Variants in IL1RAPL1 observed in about 807,000 individuals in gnomAD.
The protein encoded by IL1RAPL1 is interleukin-1 receptor accessory protein-like 1.
IL1RAPL1 carries 3 observed loss-of-function variants against 48.4 expected under a neutral mutation model. The observed-to-expected ratio is 0.06, with a 90% CI of 0.03 to 0.16. The LOEUF (loss-of-function observed/expected upper bound fraction) is 0.16, where lower values mean the gene tolerates loss of function less well. Ranked by LOEUF, IL1RAPL1 falls within the 10% of genes least tolerant of loss-of-function variation. IL1RAPL1 has a pLI of 1.00. For missense variants in IL1RAPL1, 349 were observed against 530.6 expected, an observed-to-expected ratio of 0.66 and a Z score of 3.36; for synonymous variants, 185 against 187.7, an observed-to-expected ratio of 0.99 and a Z score of 0.12.
At chrX:28,617,410 C>A (rs972955452) in intron 1 of IL1RAPL1, among the ~76,000 whole-genome samples, 29 of 111,736 alleles carry the variant, frequency 2.6e-4, no homozygotes, top group African/African-American at 9.1e-4. Flanking sequence ...TATTTTTATT[C>A]TTGAAATATT....
chrX:28,861,381 T>C (rs1921939979), intron 2 of IL1RAPL1, among the ~76,000 whole-genome samples: 1 of 111,958 alleles, frequency 8.9e-6, no homozygotes, highest in African/African-American at 3.3e-5. Context: ...GTTTGACACA[T>C]AGCTAAAATT....
At chrX:28,639,342 A>G (rs1934506808) in intron 1 of IL1RAPL1, among the ~76,000 whole-genome samples, 1 of 111,961 alleles carries the variant, frequency 8.9e-6, no homozygotes, top group African/African-American at 3.2e-5. Context: ...TTTGAATTTA[A>G]CTGGAAACAA....
chrX:28,778,238 G>T (rs1391581594), intron 1 of IL1RAPL1, among the ~76,000 whole-genome samples: 1 of 112,123 alleles, frequency 8.9e-6, no homozygotes, highest in South Asian at 3.7e-4. Flanking sequence ...TTGGCATAAA[G>T]CCACCTTTTT....
chrX:29,135,854 C>G (rs1021901734), intron 2 of IL1RAPL1, among the ~76,000 whole-genome samples: 29 of 111,528 alleles, frequency 2.6e-4, no homozygotes, highest in African/African-American at 9.1e-4. Flanking sequence ...CCTGCCTCAG[C>G]CTCCCAAGTA....
intron 2 of IL1RAPL1, among the ~76,000 whole-genome samples, chrX:29,188,874 C>T (rs1228774178): frequency 1.8e-5 from 2 of 111,428 alleles, no homozygotes; most frequent in Non-Finnish European, 3.8e-5. Flanking sequence ...TGAGCCACCA[C>T]GCCCGCCCAC....
intron 2 of IL1RAPL1, among the ~76,000 whole-genome samples, chrX:28,795,198 T>C (rs1936596152): frequency 9.0e-6 from 1 of 111,700 alleles, no homozygotes. Context: ...AATTCTCCTA[T>C]TTATTGTAAT....
intron 2 of IL1RAPL1, among the ~76,000 whole-genome samples, chrX:28,865,208 C>T (rs1416700577): frequency 1.8e-5 from 2 of 111,147 alleles, no homozygotes; most frequent in Non-Finnish European, 3.8e-5. Flanking sequence ...GAGGTCAAGG[C>T]GGGCAGATCA....
At chrX:28,708,326 G>A (rs754228773) in intron 1 of IL1RAPL1, among the ~76,000 whole-genome samples, 1 of 108,664 alleles carries the variant, frequency 9.2e-6, no homozygotes, top group Admixed American at 9.6e-5. Flanking sequence ...GATGTCCTTA[G>A]GGCAATGCCT....
At chrX:29,809,596 C>T (rs1569176376) in intron 6 of IL1RAPL1, among the ~76,000 whole-genome samples, 1 of 110,412 alleles carries the variant, frequency 9.1e-6, no homozygotes, top group Non-Finnish European at 1.9e-5. Flanking sequence ...ACAAACGGGA[C>T]GTTATCATCA....
chrX:29,042,914 A>G (rs1926878139), intron 2 of IL1RAPL1, among the ~76,000 whole-genome samples: 1 of 112,312 alleles, frequency 8.9e-6, no homozygotes, highest in African/African-American at 3.2e-5. Flanking sequence ...AAATGTAGGG[A>G]AAGTGTATAT....
chrX:29,077,608 G>GAAAAAAAAAAAAA (rs529366182), intron 2 of IL1RAPL1, among the ~76,000 whole-genome samples: 1 of 41,435 alleles, frequency 2.4e-5, no homozygotes. Flanking sequence ...GTCTCAAAAA[G>GAAAAAAAAAAAAA]AAAAAAAAAA....
chrX:29,081,533 C>A (rs763438555), intron 2 of IL1RAPL1, among the ~76,000 whole-genome samples: 1 of 111,454 alleles, frequency 9.0e-6, no homozygotes, highest in African/African-American at 3.3e-5. Context: ...AATATCCTGC[C>A]TAATTGTGTA....
At chrX:29,257,523 C>T (rs905693036) in intron 2 of IL1RAPL1, among the ~76,000 whole-genome samples, 1 of 111,606 alleles carries the variant, frequency 9.0e-6, no homozygotes, top group Non-Finnish European at 1.9e-5. Context: ...CTTACATTAC[C>T]ATGACAAACT....
chrX:29,470,658 G>A (rs1292817233), intron 5 of IL1RAPL1, among the ~76,000 whole-genome samples: 3 of 110,570 alleles, frequency 2.7e-5, no homozygotes, highest in Admixed American at 1.9e-4. Flanking sequence ...TTTAGAGATA[G>A]GGTCTCACTC....
intron 5 of IL1RAPL1, among the ~76,000 whole-genome samples, chrX:29,455,438 C>T (rs980445308): frequency 8.9e-6 from 1 of 111,761 alleles, no homozygotes; most frequent in African/African-American, 3.3e-5. Context: ...TTATAATATA[C>T]ACTCCAACAA....
intron 5 of IL1RAPL1, among the ~76,000 whole-genome samples, chrX:29,594,465 A>G (rs1186767532): frequency 9.0e-6 from 1 of 111,659 alleles, no homozygotes; most frequent in Non-Finnish European, 1.9e-5. Flanking sequence ...TTATATAAAT[A>G]AAAATTGCCT....
intron 5 of IL1RAPL1, among the ~76,000 whole-genome samples, chrX:29,608,305 C>T (rs185958349): frequency 1.8e-5 from 2 of 110,284 alleles, no homozygotes; most frequent in African/African-American, 6.6e-5. Flanking sequence ...CAGGGAAGCC[C>T]ATTGCTTTAG....
chrX:29,537,028 G>T (rs1410677332), intron 5 of IL1RAPL1, among the ~76,000 whole-genome samples: 1 of 110,667 alleles, frequency 9.0e-6, no homozygotes, highest in East Asian at 2.8e-4. Context: ...AAATTGGCAT[G>T]TAGAGTACAC....
intron 5 of IL1RAPL1, among the ~76,000 whole-genome samples, chrX:29,541,657 C>T (rs1395417713): frequency 8.9e-6 from 1 of 111,772 alleles, no homozygotes; most frequent in East Asian, 2.8e-4. Flanking sequence ...CGCTGGAGGC[C>T]ATTATCCTAA....
Sources: gnomAD v4.1 joint callset for allele counts (sites outside exome capture counted in the v4.1 genomes callset) on GRCh38, gnomAD v4.1.1 for gene constraint, MANE v1.5 for transcripts, NCBI Gene and HGNC (gene_info 2026-07-23, HGNC 2026-07-21) for gene names.